Variants in SCN2A observed in about 807,000 individuals in gnomAD.
The protein encoded by SCN2A is sodium voltage-gated channel alpha subunit 2, also known as sodium channel protein type 2 subunit alpha.
Under a neutral mutation model 188.7 loss-of-function variants are expected in SCN2A, and 20 were observed. The observed-to-expected ratio is 0.11, with a 90% CI of 0.07 to 0.15. The LOEUF is 0.15. SCN2A is among the 10% of genes least tolerant of loss of function. The probability of loss-of-function intolerance (pLI) is 1.00; values close to 1 mark genes in which losing one functional copy is unlikely to be tolerated. For synonymous variants in SCN2A, 804 were observed against 833.1 expected, an observed-to-expected ratio of 0.97 and a Z score of 0.60; for missense variants, 1,278 against 2,445.0, an observed-to-expected ratio of 0.52 and a Z score of 10.07.
In SCN2A at chr2:165,378,215, GAA is replaced by G. The variant is rs58765904; in HGVS notation, c.4308+579_4308+580del. Reference sequence around the variant, plus strand: ...TTAATGAGGAATGAAGTCACATTTTGAAAAAAAAAAAAAAAGAGATTGATTTC... The same window carrying G: ...TTAATGAGGAATGAAGTCACATTTTGAAAAAAAAAAAAAGAGATTGATTTC... On this transcript the variant is annotated intron_variant, in intron 23 of 26. Coordinates refer to ENST00000375437, the MANE Select transcript of SCN2A (RefSeq NM_001040142.2). Among the ~76,000 whole-genome samples, 646 of 133,762 alleles carry G rather than the reference GAA, an allele frequency of 4.8e-3. 2 individuals carry two copies. Among genetic ancestry groups the G allele is most frequent in the African/African-American group, 0.013 (475 of 36,612 alleles). The allele number at this position is 133,762 out of a possible 152,430, so 87.8% of individuals were successfully genotyped here.
At chr2:165,297,351 A>G (rs1696565805) in intron 3 of SCN2A, among the ~76,000 whole-genome samples, 1 of 152,040 alleles carries the variant, frequency 6.6e-6, no homozygotes, top group Non-Finnish European at 1.5e-5. Flanking sequence ...ACTCACTATT[A>G]CTTCTTTCTT....
At chr2:165,239,679 T>C in intron 1 of SCN2A, 39 bp downstream of exon 1, 1 of 910,342 alleles carries the variant, frequency 1.1e-6, no homozygotes, top group Non-Finnish European at 1.3e-6. Context: ...TATCCACGGA[T>C]TGTTATCTAT....
At position 165,290,771 on chromosome 2, in the gene SCN2A, T is replaced by C. The variant is rs1696059725; in HGVS notation, c.-51-5002T>C. ...TTGATTGCAGTAGGACAACTTACTATGGGGAAGGAATCTTGTAAGTATCTT... is the reference window on the plus strand; with the variant it reads ...TTGATTGCAGTAGGACAACTTACTACGGGGAAGGAATCTTGTAAGTATCTT... On this transcript the variant is annotated intron_variant, in intron 1 of 26. Transcript: ENST00000375437. 3.0e-6 allele frequency: 3 copies of C among 985,290 alleles called. No individual in the cohort carries two copies. In the East Asian group the frequency reaches 3.4e-4, roughly 112 times the overall value. 61.0% of individuals were successfully genotyped at this position (985,290 alleles called of 1,614,324 possible).
intron 1 of SCN2A, among the ~76,000 whole-genome samples, chr2:165,276,697 T>A (rs1695357637): frequency 6.6e-6 from 1 of 152,198 alleles, no homozygotes; most frequent in African/African-American, 2.4e-5. Context: ...CAGTACCACA[T>A]ATTTATGAAG....
chr2:165,290,814 G>A (rs952219368), intron 1 of SCN2A: 1 of 982,704 alleles, frequency 1.0e-6, no homozygotes, highest in Non-Finnish European at 1.2e-6. Flanking sequence ...CAGTATACAT[G>A]GAAGTTGGTA....
chr2:165,274,264 G>A (rs1695231943), intron 1 of SCN2A: 1 of 150,888 alleles, frequency 6.6e-6, no homozygotes, highest in African/African-American at 2.4e-5. Flanking sequence ...CAAAAAAAAT[G>A]GTTTACTTAC....
rs77422519 is a variant in SCN2A at position 165,381,514 on chromosome 2, AC to A, written c.4551+318del. Among the ~76,000 whole-genome samples, 31,356 of 151,810 alleles carry A rather than the reference AC, an allele frequency of 0.21. 3,938 individuals are homozygous for A. Among genetic ancestry groups the A allele is most frequent in the East Asian group, 0.34 (1,750 of 5,148 alleles). ...TAATAACATCAAAAATAAAATACAT[AC>A]ATACATAATGTGAAAATATTAAATG... On this transcript the variant is annotated intron_variant, in intron 25 of 26. Transcript: ENST00000375437.
In SCN2A at chr2:165,294,010, T is replaced by TAA. The variant is rs67417831; in HGVS notation, c.-51-1736_-51-1735dup. ...TTAGGTGTGGTCTTTGAAGGAGAAT[T>TAA]AAAAAAAAAAAAAAAAAAAAAAAAA... On this transcript the variant is annotated intron_variant, in intron 1 of 26. Transcript: ENST00000375437. The TAA allele has an allele frequency of 0.15, 23,071 of 150,744 alleles. 3,514 individuals are homozygous for TAA. Among genetic ancestry groups the TAA allele is most frequent in the Admixed American group, 0.29 (1,024 of 3,512 alleles). 9.3% of individuals were successfully genotyped at this position (150,744 alleles called of 1,614,324 possible).
chr2:165,247,699 T>C (rs1406772293), intron 1 of SCN2A, among the ~76,000 whole-genome samples: 2 of 152,186 alleles, frequency 1.3e-5, no homozygotes, highest in Non-Finnish European at 2.9e-5. Flanking sequence ...CTTCTTTATC[T>C]ACTTTCTTTT....
At chr2:165,366,700 A>G (rs1298787153) in intron 18 of SCN2A, among the ~76,000 whole-genome samples, 1 of 133,110 alleles carries the variant, frequency 7.5e-6, no homozygotes, top group Non-Finnish European at 1.6e-5. Flanking sequence ...CCCGGACAAT[A>G]GAGTGAGACT....
At chr2:165,260,243 A>G (rs975752844) in intron 1 of SCN2A, among the ~76,000 whole-genome samples, 1 of 152,096 alleles carries the variant, frequency 6.6e-6, no homozygotes, top group African/African-American at 2.4e-5. Context: ...GCGCCCGGCC[A>G]AAATGGATTT....
chr2:165,358,860 A>C (rs1318282941), intron 17 of SCN2A, among the ~76,000 whole-genome samples: 1 of 152,112 alleles, frequency 6.6e-6, no homozygotes, highest in Non-Finnish European at 1.5e-5. Flanking sequence ...CAATAGCAAT[A>C]AACGTAACAT....
intron 25 of SCN2A, among the ~76,000 whole-genome samples, chr2:165,386,499 T>G (rs770313986): frequency 1.1e-4 from 17 of 151,650 alleles, no homozygotes; most frequent in Non-Finnish European, 2.2e-4. Context: ...GAGAGAGAGA[T>G]AAGATTTGAG....
At position 165,323,481 on chromosome 2, in the gene SCN2A, C is replaced by T; in HGVS notation, c.1997C>T (p.Ala666Val). 6.2e-7 allele frequency: 1 copy of T among 1,613,164 alleles called. No homozygotes were observed. The highest frequency in any genetic ancestry group is 8.5e-7 in the Non-Finnish European group (1 of 1,179,596). The change falls in exon 12 of 27, where the codon GCT becomes GTT. Residue 666 changes from alanine to valine, a missense_variant. By Grantham distance (64) the Ala-to-Val change is moderately conservative. This residue lies in a region of SCN2A where 315 missense variants were observed against 386.6 expected (regional missense o/e 0.81). Coordinates refer to ENST00000375437, the MANE Select transcript of SCN2A (RefSeq NM_001040142.2). ...GGGGGCCCTTCTACCCTCACATCTG[C>T]TGGGCAGCTCCTACCAGAGGTGAGG... is the stretch of plus-strand genomic sequence containing the variant. ...LVGGPSTLTS[A>V]GQLLPEGTTT...
At chr2:165,264,981 T>C (rs1268536666) in intron 1 of SCN2A, among the ~76,000 whole-genome samples, 1 of 152,154 alleles carries the variant, frequency 6.6e-6, no homozygotes, top group South Asian at 2.1e-4. Context: ...TTTGGGTATA[T>C]ACCTGGTAAA....
chr2:165,377,517 A>G, intron 22 of SCN2A, 80 bp from the exon 23 acceptor site: 1 of 1,255,784 alleles, frequency 8.0e-7, no homozygotes, highest in East Asian at 2.5e-5. Flanking sequence ...CATGTCAAAT[A>G]GAATTTTGAT....
At chr2:165,305,651 G>GAATGCTGCTT (rs1559349709) in intron 3 of SCN2A, among the ~76,000 whole-genome samples, 2 of 152,200 alleles carry the variant, frequency 1.3e-5, no homozygotes, top group African/African-American at 2.4e-5. Context: ...CATCCTTGTT[G>GAATGCTGCTT]AATGCTGCTT....
At chr2:165,254,272 G>A (rs1023224755) in intron 1 of SCN2A, among the ~76,000 whole-genome samples, 2 of 151,556 alleles carry the variant, frequency 1.3e-5, no homozygotes, top group African/African-American at 4.8e-5. Flanking sequence ...TTTAAGTACT[G>A]CACCATTTTT....
intron 21 of SCN2A, 83 bp from the exon 22 acceptor site, chr2:165,374,602 G>C (rs1701215793): frequency 6.9e-7 from 1 of 1,443,366 alleles, no homozygotes; most frequent in Non-Finnish European, 9.6e-7. Context: ...TTAATCATTT[G>C]ACTGTTCTTT....
Sources: gnomAD v4.1 joint callset for allele counts (sites outside exome capture counted in the v4.1 genomes callset) on GRCh38, gnomAD v4.1.1 for gene constraint, gnomAD v4.1.1 regional missense constraint, MANE v1.5 for transcripts, NCBI Gene and HGNC (gene_info 2026-07-23, HGNC 2026-07-21) for gene names.